Variants in MRPL14 observed in about 807,000 individuals in gnomAD.
The protein encoded by MRPL14 is mitochondrial ribosomal protein L14.
MRPL14 carries 8 observed loss-of-function variants against 10.9 expected under a neutral mutation model. That is an observed-to-expected ratio of 0.74 (90% CI 0.43 to 1.33). MRPL14 has a LOEUF of 1.33. Ranked by LOEUF, MRPL14 falls within the 40% of genes most tolerant of loss-of-function variation. MRPL14 has a pLI of 0.01. For missense variants in MRPL14, 179 were observed against 194.5 expected (o/e 0.92, Z 0.47); for synonymous variants, 82 against 74.1 (o/e 1.11, Z -0.54).
rs886690324 is a variant in MRPL14, at chr6:44,113,495, G to C, written c.*348C>G. On this transcript the variant is annotated 3_prime_UTR_variant, in exon 3 of 3. Transcript: ENST00000372014. ...ACATTTATAAATTGGCATTTGGTGT[G>C]TACCTCAGTTTTCCAGGGCCTGACA... The C allele has an allele frequency of 1.8e-4, 36 of 195,114 alleles. No homozygotes were observed. The highest frequency in any genetic ancestry group is 5.1e-5 in the Non-Finnish European group (5 of 97,362). 12.1% of individuals were successfully genotyped at this position (195,114 alleles called of 1,614,324 possible). A position where few individuals can be genotyped will look rare whatever the true frequency, so the allele number is the denominator to read the frequency against.
At chr6:44,126,597 A>G (rs1303364225) in intron 1 of MRPL14, among the ~76,000 whole-genome samples, 2 of 152,146 alleles carry the variant, frequency 1.3e-5, no homozygotes, top group African/African-American at 4.8e-5. Context: ...ATGCCCTTTT[A>G]ACCTCTTTAT....
chr6:44,117,218 T>C (rs1353943224), intron 1 of MRPL14, among the ~76,000 whole-genome samples: 1 of 90,844 alleles, frequency 1.1e-5, no homozygotes, highest in African/African-American at 6.6e-5. Flanking sequence ...TTTGGGTCAG[T>C]CTCCCAAACA....
At position 44,113,538 on chromosome 6, in the gene MRPL14, AGG is replaced by A. The variant is rs1222751803; in HGVS notation, c.*303_*304del. The stretch of plus-strand genomic sequence containing the variant: ...GCCTGACAGTCCTGGATGAACTTAT[AGG>A]GTCCAAACCAGAAAAGCAAGGGCTC... On this transcript the variant is annotated 3_prime_UTR_variant, in exon 3 of 3. Coordinates refer to ENST00000372014, the MANE Select transcript of MRPL14 (RefSeq NM_032111.4). The A allele has an allele frequency of 1.9e-4, 46 of 245,814 alleles. No homozygotes were observed. The highest frequency in any genetic ancestry group is 1.3e-4 in the Non-Finnish European group (17 of 129,438). The allele number at this position is 245,814 out of a possible 1,614,324, so 15.2% of individuals were successfully genotyped here.
intron 2 of MRPL14, among the ~76,000 whole-genome samples, chr6:44,115,984 T>C (rs1391634966): frequency 6.6e-6 from 1 of 152,228 alleles, no homozygotes; most frequent in African/African-American, 2.4e-5. Context: ...TGAGAATTCT[T>C]TCAGGACAGA....
rs1777318334 is a variant in MRPL14 at position 44,127,405 on chromosome 6, C to G, written c.-80G>C. The stretch of plus-strand genomic sequence containing the variant: ...CACCAGCCAAGCGCCGCCTTCGCCC[C>G]ACGCGGCCTCTTCCTAGCGCCTGCG... On this transcript the variant is annotated 5_prime_UTR_variant, in exon 1 of 3. Coordinates refer to ENST00000372014, the MANE Select transcript of MRPL14 (RefSeq NM_032111.4). The G allele has an allele frequency of 6.6e-6, 1 of 152,634 alleles. No homozygotes were observed. Among genetic ancestry groups the G allele is most frequent in the Non-Finnish European group, 1.5e-5 (1 of 68,346 alleles). 9.5% of individuals were successfully genotyped at this position (152,634 alleles called of 1,614,324 possible).
intron 1 of MRPL14, chr6:44,126,964 G>C (rs1376741930): frequency 6.6e-6 from 1 of 152,298 alleles, no homozygotes; most frequent in Non-Finnish European, 1.5e-5. Context: ...TGGGAAAGGG[G>C]AGGGGAGCGC....
chr6:44,113,844 C>CTGT lies in MRPL14; in HGVS notation c.436_437insACA (p.Ter146delinsTyrArg). On this transcript the variant is annotated stop_lost, in exon 3 of 3. Coordinates refer to ENST00000372014, the MANE Select transcript of MRPL14 (RefSeq NM_032111.4). The stretch of plus-strand genomic sequence containing the variant: ...TGCAACCAGAGGCCTGGGCTCAACT[C>CTGT]ACACAAAGTTCTGAGCAATGGCCAG... The CTGT allele has an allele frequency of 6.5e-7, 1 of 1,549,860 alleles. No homozygotes were observed. The highest frequency in any genetic ancestry group is 1.2e-5 in the South Asian group (1 of 81,224).
intron 1 of MRPL14, among the ~76,000 whole-genome samples, chr6:44,126,054 C>G (rs1776994143): frequency 6.6e-6 from 1 of 152,212 alleles, no homozygotes; most frequent in Non-Finnish European, 1.5e-5. Context: ...AGAAGATCCA[C>G]CTTGTTCTTT....
chr6:44,119,345 A>G (rs1004222355), intron 1 of MRPL14, among the ~76,000 whole-genome samples: 13 of 152,196 alleles, frequency 8.5e-5, no homozygotes, highest in African/African-American at 2.9e-4. Flanking sequence ...CCTGGCCAAC[A>G]TGGTGAAACC....
At chr6:44,126,506 G>GT (rs1047847302) in intron 1 of MRPL14, among the ~76,000 whole-genome samples, 10 of 152,324 alleles carry the variant, frequency 6.6e-5, no homozygotes, top group South Asian at 6.2e-4. Flanking sequence ...AGCAGTGGCA[G>GT]TTCCCCACCA....
chr6:44,118,805 A>C (rs1461570461), intron 1 of MRPL14, among the ~76,000 whole-genome samples: 1 of 152,132 alleles, frequency 6.6e-6, no homozygotes, highest in Non-Finnish European at 1.5e-5. Context: ...TCTCTACTAA[A>C]AATACAAAAT....
intron 1 of MRPL14, among the ~76,000 whole-genome samples, chr6:44,118,659 A>G (rs1039501730): frequency 2.6e-5 from 4 of 152,170 alleles, no homozygotes; most frequent in African/African-American, 4.8e-5. Flanking sequence ...AGTGTCTTAC[A>G]TTACTATCTC....
Position 44,126,629 on chromosome 6 carries a change from T to C in MRPL14, c.-19+715A>G, listed in dbSNP as rs564387857. On this transcript the variant is annotated intron_variant, in intron 1 of 2. Transcript: ENST00000372014. ...TTATAAATTCAGTCCCGTCCGTCTCTTACGGTGGCAAAGTTCATTTATCGT... is the reference window on the plus strand; with the variant it reads ...TTATAAATTCAGTCCCGTCCGTCTCCTACGGTGGCAAAGTTCATTTATCGT... Among the ~76,000 whole-genome samples the C allele has an allele frequency of 1.9e-4, 29 of 151,562 alleles. No homozygotes were observed. The South Asian group carries it at 5.7e-3, about 30-fold the overall frequency.
At chr6:44,122,674 T>C (rs1776563629) in intron 1 of MRPL14, among the ~76,000 whole-genome samples, 1 of 151,980 alleles carries the variant, frequency 6.6e-6, no homozygotes, top group East Asian at 1.9e-4. Flanking sequence ...CAATCACAAA[T>C]GAGCCTTTAA....
rs1475192362 is a variant in MRPL14 at position 44,114,068 on chromosome 6, G to T, written c.213C>A (p.Asp71Glu). The change falls in exon 3 of 3, where the codon GAC becomes GAA. Residue 71 changes from aspartate to glutamate, a missense_variant. Coordinates refer to ENST00000372014, the MANE Select transcript of MRPL14 (RefSeq NM_032111.4). ...GTCCCTTGATGGCCAGTAGTATCTG[G>T]TCGCCCACCTTGCCCACTCCATTCT... ...YKKNGVGKVG[D>E]QILLAIKGQK... is the part of the protein sequence containing the mutation. 14 of 1,614,176 alleles carry T rather than the reference G, an allele frequency of 8.7e-6. No homozygotes were observed. Among genetic ancestry groups the T allele is most frequent in the Non-Finnish European group, 1.2e-5 (14 of 1,180,042 alleles).
chr6:44,114,877 G>A (rs1353538061), intron 2 of MRPL14, among the ~76,000 whole-genome samples: 1 of 152,218 alleles, frequency 6.6e-6, no homozygotes, highest in Admixed American at 6.5e-5. Flanking sequence ...CCAAAGGGCT[G>A]AGATTACAGG....
At chr6:44,116,794 G>A (rs898530877) in intron 1 of MRPL14, among the ~76,000 whole-genome samples, 165 bp from the exon 2 acceptor site, 1 of 152,182 alleles carries the variant, frequency 6.6e-6, no homozygotes, top group African/African-American at 2.4e-5. Flanking sequence ...AGACAGAGCT[G>A]TAGCTCCGAT....
At chr6:44,122,228 G>A (rs1776512353) in intron 1 of MRPL14, among the ~76,000 whole-genome samples, 1 of 152,018 alleles carries the variant, frequency 6.6e-6, no homozygotes, top group African/African-American at 2.4e-5. Flanking sequence ...GACTACAGGC[G>A]CCTGCCACCA....
At chr6:44,115,495 C>T (rs1775756173) in intron 2 of MRPL14, among the ~76,000 whole-genome samples, 1 of 152,138 alleles carries the variant, frequency 6.6e-6, no homozygotes, top group Admixed American at 6.5e-5. Context: ...TTAATATCAC[C>T]CCCTAAGCAC....
Sources: gnomAD v4.1 joint callset for allele counts (sites outside exome capture counted in the v4.1 genomes callset) on GRCh38, gnomAD v4.1.1 for gene constraint, MANE v1.5 for transcripts, NCBI Gene and HGNC (gene_info 2026-07-23, HGNC 2026-07-21) for gene names.